The following MYH16 variants were observed in gnomAD, a reference collection of about 807,000 sequenced individuals.
MYH16 encodes myosin heavy chain 16.
chr7:99,283,628 A>G (rs1159638087), exon 24 of MYH16: 1 of 456,624 alleles, frequency 2.2e-6, no homozygotes, highest in Non-Finnish European at 4.4e-6. Context: ...AAATAACAGC[A>G]AGCTGAGCAC....
At chr7:99,295,231 T>C (rs1434930293) in intron 33 of MYH16, among the ~76,000 whole-genome samples, 1 of 151,630 alleles carries the variant, frequency 6.6e-6, no homozygotes, top group Non-Finnish European at 1.5e-5. Flanking sequence ...TACAAAAAAT[T>C]AGCCGGGCGT....
chr7:99,294,297 G>C, intron 33 of MYH16, 147 bp downstream of exon 14: 1 of 326,274 alleles, frequency 3.1e-6, no homozygotes, highest in South Asian at 2.3e-5. Context: ...TCAGGAGCTT[G>C]CTGGACAACG....
chr7:99,301,195 C>CAAAA (rs11315562), intron 37 of MYH16, among the ~76,000 whole-genome samples: 5 of 54,478 alleles, frequency 9.2e-5, no homozygotes, highest in African/African-American at 2.1e-4. Context: ...GACTCTGTCT[C>CAAAA]AAAAAAAAAA....
intron 39 of MYH16, 126 bp from the exon 21 acceptor site, chr7:99,304,460 G>A (rs928987835): frequency 6.6e-6 from 1 of 152,282 alleles, no homozygotes; most frequent in Non-Finnish European, 1.5e-5. Flanking sequence ...GCATGTCAGC[G>A]GGGCTTCCCT....
At chr7:99,293,935 C>T in intron 32 of MYH16, 83 bp from the exon 14 acceptor site, 1 of 372,204 alleles carries the variant, frequency 2.7e-6, no homozygotes, top group Non-Finnish European at 5.3e-6. Flanking sequence ...ACCATGCCCA[C>T]CACACTCTGA....
At chr7:99,298,890 T>C (rs1253716394) in intron 36 of MYH16, among the ~76,000 whole-genome samples, 4 of 151,948 alleles carry the variant, frequency 2.6e-5, no homozygotes, top group African/African-American at 4.8e-5. Context: ...TAGCATTAGG[T>C]AGTCTTGTCA....
Position 99,283,269 on chromosome 7 carries a change from G to A in MYH16, n.2993-296G>A, listed in dbSNP as rs1230816778. Among the ~76,000 whole-genome samples the A allele has an allele frequency of 2.0e-5, 3 of 151,998 alleles. No homozygotes were observed. The East Asian group carries it at 5.8e-4, about 29-fold the overall frequency. On this transcript the variant is annotated intron_variant and non_coding_transcript_variant, in intron 23 of 41. Transcript: ENST00000439784. ...GTGCCACCACACCTGGCTAATTTTT[G>A]TAGAGACAGGGTCTGACTCTGTCAC...
chr7:99,301,051 C>T (rs1215517418), intron 37 of MYH16, among the ~76,000 whole-genome samples: 1 of 151,642 alleles, frequency 6.6e-6, no homozygotes, highest in Admixed American at 6.6e-5. Context: ...AAAAATTAGC[C>T]AGGTGTGGTG....
intron 37 of MYH16, among the ~76,000 whole-genome samples, chr7:99,299,880 C>A (rs1032067068): frequency 6.6e-6 from 1 of 151,900 alleles, no homozygotes; most frequent in African/African-American, 2.4e-5. Context: ...GAAAGATGGA[C>A]CAAAGGAGGG....
At chr7:99,284,555 C>G (rs1048394209) in intron 25 of MYH16, among the ~76,000 whole-genome samples, 2 of 152,160 alleles carry the variant, frequency 1.3e-5, no homozygotes, top group Non-Finnish European at 2.9e-5. Context: ...TGCCACTGCA[C>G]TGCATTCTGG....
chr7:99,274,168 T>A (rs959718687), intron 20 of MYH16, among the ~76,000 whole-genome samples: 6 of 152,230 alleles, frequency 3.9e-5, no homozygotes, highest in African/African-American at 1.4e-4. Context: ...GAGTATGGTA[T>A]GTGAGTCAGC....
chr7:99,283,649 G>A (rs773417599), exon 24 of MYH16: 10 of 456,614 alleles, frequency 2.2e-5, no homozygotes, highest in South Asian at 1.5e-4. Flanking sequence ...GCAGATCCAT[G>A]AGGTAATACC....
intron 20 of MYH16, among the ~76,000 whole-genome samples, chr7:99,276,457 G>A (rs1229170926): frequency 1.3e-5 from 2 of 152,274 alleles, no homozygotes; most frequent in Non-Finnish European, 2.9e-5. Context: ...AGGGATGGGA[G>A]GGAGGTCTTT....
At chr7:99,287,270 C>A (rs1426987468) in intron 28 of MYH16, among the ~76,000 whole-genome samples, 2 of 152,074 alleles carry the variant, frequency 1.3e-5, no homozygotes, top group South Asian at 2.1e-4. Context: ...CGGTGGCTCA[C>A]GCCTGTACTC....
chr7:99,262,731 G>C lies in MYH16; in HGVS notation n.1756-603G>C, dbSNP rs1791949569. On this transcript the variant is annotated intron_variant and non_coding_transcript_variant, in intron 13 of 41. Transcript: ENST00000439784. ...GCAAGATGGGAAGCAGAAATTAGTGGATGTCCAAATACCTGGATATATGGA... is the reference window on the plus strand; with the variant it reads ...GCAAGATGGGAAGCAGAAATTAGTGCATGTCCAAATACCTGGATATATGGA... Among the ~76,000 whole-genome samples the C allele has an allele frequency of 2.6e-5, 4 of 152,198 alleles. No homozygotes were observed. The South Asian group carries it at 8.3e-4, about 32-fold the overall frequency.
At chr7:99,287,961 C>T in exon 29 of MYH16, 1 of 456,700 alleles carries the variant, frequency 2.2e-6, no homozygotes. Context: ...GGCCGCCCTG[C>T]AGAGCGAGGC....
exon 18 of MYH16, chr7:99,266,906 AAG>A (rs2150813800): frequency 6.5e-6 from 1 of 152,772 alleles, no homozygotes; most frequent in Admixed American, 6.5e-5. Context: ...GGACAACAAA[AAG>A]GCCTCAGAGC....
intron 19 of MYH16, chr7:99,271,110 C>T (rs1041105620): frequency 2.6e-5 from 4 of 152,658 alleles, no homozygotes; most frequent in African/African-American, 9.6e-5. Context: ...CTCACAAACA[C>T]CGACAGGAAG....
chr7:99,289,627 C>T (rs1792339508), intron 30 of MYH16, among the ~76,000 whole-genome samples: 1 of 152,140 alleles, frequency 6.6e-6, no homozygotes, highest in Non-Finnish European at 1.5e-5. Flanking sequence ...TCTCACCTTC[C>T]CAGTGAGATC....
Sources: allele counts gnomAD v4.1 joint callset (sites outside exome capture counted in the v4.1 genomes callset), GRCh38; gene constraint gnomAD v4.1.1; transcripts MANE v1.5; gene names NCBI Gene and HGNC (gene_info 2026-07-23, HGNC 2026-07-21).